Variants in NALF1 observed in about 807,000 individuals in gnomAD.
NALF1 encodes NALCN channel auxiliary factor 1, also known as family with sequence similarity 155 member A.
NALF1 carries 3 observed loss-of-function variants against 48.4 expected under a neutral mutation model. The ratio of observed to expected loss-of-function variants is 0.06; its 90% CI spans 0.03 to 0.16. The LOEUF is 0.16. Ranked by LOEUF, NALF1 falls within the 10% of genes least tolerant of loss-of-function variation. NALF1 has a pLI of 1.00. For synonymous variants in NALF1, 262 were observed against 245.7 expected (o/e 1.07, Z -0.62); for missense variants, 526 against 571.5 (o/e 0.92, Z 0.81).
intron 1 of NALF1, among the ~76,000 whole-genome samples, chr13:107,438,042 A>G (rs1025274061): frequency 2.6e-5 from 4 of 152,214 alleles, no homozygotes; most frequent in African/African-American, 9.6e-5. Flanking sequence ...GTGGACATCC[A>G]ATGTATTTTT....
intron 1 of NALF1, among the ~76,000 whole-genome samples, chr13:107,572,352 C>A (rs73593171): frequency 0.13 from 19,392 of 151,968 alleles, 1,544 homozygotes; most frequent in Admixed American, 0.2. Context: ...GGGATACTTA[C>A]TGCCCATTAT....
rs916522284 is a variant in NALF1, at chr13:107,867,146, T to C, written c.-550A>G. Among the ~76,000 whole-genome samples the C allele has an allele frequency of 4.6e-5, 7 of 150,614 alleles. No individual in the cohort carries two copies. Among genetic ancestry groups the C allele is most frequent in the South Asian group, 2.1e-4 (1 of 4,712 alleles). ...TCCCCTCCTCCTCCTCCTCCTCCTC[T>C]TCTTCTCCTCCTCTTCCTCCTCCTT... is the stretch of plus-strand genomic sequence containing the variant. On this transcript the variant is annotated 5_prime_UTR_variant, in exon 1 of 3. Transcript: ENST00000375915. The surrounding 1 kb of genome is among the most constrained non-coding windows in gnomAD (Gnocchi z 4.4).
chr13:107,748,726 T>A (rs1156377445), intron 1 of NALF1, among the ~76,000 whole-genome samples: 2 of 152,228 alleles, frequency 1.3e-5, no homozygotes, highest in Non-Finnish European at 2.9e-5. Context: ...AAATTAAATA[T>A]GTTTAGCATA....
chr13:107,785,531 C>A (rs1263462340), intron 1 of NALF1, among the ~76,000 whole-genome samples: 2 of 152,094 alleles, frequency 1.3e-5, no homozygotes, highest in African/African-American at 4.8e-5. Context: ...ATACAATGGA[C>A]TTTGGGGACT....
At chr13:107,599,060 A>C (rs531193448) in intron 1 of NALF1, among the ~76,000 whole-genome samples, 1 of 152,310 alleles carries the variant, frequency 6.6e-6, no homozygotes, top group Admixed American at 6.5e-5. Flanking sequence ...ATTTTACTGA[A>C]CATTTGTGTT....
intron 1 of NALF1, among the ~76,000 whole-genome samples, chr13:107,412,574 G>C (rs1347438737): frequency 6.6e-6 from 1 of 152,078 alleles, no homozygotes; most frequent in African/African-American, 2.4e-5. Flanking sequence ...GTAGTAAATT[G>C]CTTGCTATAT....
At chr13:107,293,340 T>C (rs1270621615) in intron 1 of NALF1, among the ~76,000 whole-genome samples, 2 of 152,184 alleles carry the variant, frequency 1.3e-5, no homozygotes, top group Non-Finnish European at 2.9e-5. Context: ...GACTGAAATG[T>C]TGTTAGGCGG....
intron 1 of NALF1, among the ~76,000 whole-genome samples, chr13:107,690,638 A>G (rs1307693866): frequency 6.6e-6 from 1 of 152,210 alleles, no homozygotes; most frequent in Non-Finnish European, 1.5e-5. Flanking sequence ...TAATGGAAAT[A>G]AAAATATCTT....
At chr13:107,832,220 T>A (rs1156868675) in intron 1 of NALF1, among the ~76,000 whole-genome samples, 1 of 151,916 alleles carries the variant, frequency 6.6e-6, no homozygotes, top group Admixed American at 6.6e-5. Flanking sequence ...TTCAAGCTGA[T>A]AATTAACATG....
intron 1 of NALF1, among the ~76,000 whole-genome samples, chr13:107,756,618 T>C (rs1877104888): frequency 6.6e-6 from 1 of 152,104 alleles, no homozygotes; most frequent in African/African-American, 2.4e-5. Context: ...ACACGCATGC[T>C]AAATACCTCC....
intron 1 of NALF1, among the ~76,000 whole-genome samples, chr13:107,282,886 T>C (rs1021951828): frequency 2.6e-5 from 4 of 152,214 alleles, no homozygotes; most frequent in African/African-American, 9.6e-5. Flanking sequence ...TTTATTCTTG[T>C]TTATGCCACT....
At chr13:107,494,421 T>A (rs1040055797) in intron 1 of NALF1, among the ~76,000 whole-genome samples, 1 of 152,116 alleles carries the variant, frequency 6.6e-6, no homozygotes, top group African/African-American at 2.4e-5. Context: ...AAAACCCAAA[T>A]GGACGATGAA....
intron 1 of NALF1, among the ~76,000 whole-genome samples, chr13:107,765,312 A>G (rs1877391975): frequency 1.3e-5 from 2 of 152,188 alleles, no homozygotes; most frequent in Non-Finnish European, 2.9e-5. Flanking sequence ...GCTGGGTCTC[A>G]TCAGAATCTG....
chr13:107,193,574 TC>T (rs1264895838), intron 2 of NALF1, among the ~76,000 whole-genome samples: 2 of 152,084 alleles, frequency 1.3e-5, no homozygotes, highest in African/African-American at 4.8e-5. Flanking sequence ...GGAGCAGTCC[TC>T]CCCAGTTCAA....
chr13:107,178,810 T>C (rs2138771907), intron 2 of NALF1, among the ~76,000 whole-genome samples: 1 of 152,128 alleles, frequency 6.6e-6, no homozygotes, highest in Non-Finnish European at 1.5e-5. Flanking sequence ...CCGGGCGTGG[T>C]GGCGGGTGCC....
At position 107,866,721 on chromosome 13, in the gene NALF1, C is replaced by G; in HGVS notation, c.-125G>C. 3 of 296,940 alleles carry G rather than the reference C, an allele frequency of 1.0e-5. No homozygotes were observed. The highest frequency in any genetic ancestry group is 6.9e-5 in the South Asian group (2 of 28,914). 18.4% of individuals were successfully genotyped at this position (296,940 alleles called of 1,614,324 possible). ...CCTCCTCCCGTTTCTTCTCTCTCCT[C>G]TCTCTCTTTCTCTCTCTTCCCCTCT... On this transcript the variant is annotated 5_prime_UTR_variant, in exon 1 of 3. Coordinates refer to ENST00000375915, the MANE Select transcript of NALF1 (RefSeq NM_001080396.3). The surrounding 1 kb of genome is among the most constrained non-coding windows in gnomAD (Gnocchi z 4.4).
intron 1 of NALF1, among the ~76,000 whole-genome samples, chr13:107,494,038 C>CATA (rs1566365054): frequency 6.7e-6 from 1 of 150,352 alleles, no homozygotes; most frequent in African/African-American, 2.5e-5. Context: ...GATTTGATTT[C>CATA]AGTACACTAA....
At chr13:107,412,156 C>T (rs16952146) in intron 1 of NALF1, among the ~76,000 whole-genome samples, 39,799 of 151,834 alleles carry the variant, frequency 0.26, 5,255 homozygotes, top group Admixed American at 0.3. Flanking sequence ...AATTTCCACG[C>T]GCTTAAACAA....
At chr13:107,195,586 C>T (rs556500256) in intron 2 of NALF1, among the ~76,000 whole-genome samples, 6 of 152,310 alleles carry the variant, frequency 3.9e-5, no homozygotes, top group African/African-American at 1.4e-4. Flanking sequence ...ATGTATAAAG[C>T]CTGCAGGCTA....
Sources: gnomAD v4.1 joint callset for allele counts (sites outside exome capture counted in the v4.1 genomes callset) on GRCh38, gnomAD v4.1.1 for gene constraint, Gnocchi (gnomAD v3.1) non-coding constraint, MANE v1.5 for transcripts, NCBI Gene and HGNC (gene_info 2026-07-23, HGNC 2026-07-21) for gene names.